IFT88: variants seen among roughly 807,000 people sequenced by gnomAD.
The protein encoded by IFT88 is intraflagellar transport protein 88 homolog.
Under a neutral mutation model 119.5 loss-of-function variants are expected in IFT88, and 74 were observed. The observed-to-expected ratio is 0.62, with a 90% CI of 0.51 to 0.75. The LOEUF is 0.75. Ranked by LOEUF, IFT88 falls within the 30% of genes least tolerant of loss-of-function variation. IFT88 has a pLI of 0.00. For missense variants in IFT88, 961 were observed against 977.7 expected (o/e 0.98, Z 0.23); for synonymous variants, 279 against 316.7 (o/e 0.88, Z 1.26).
chr13:20,649,469 T>C (rs1243656643), intron 20 of IFT88, among the ~76,000 whole-genome samples: 1 of 152,040 alleles, frequency 6.6e-6, no homozygotes, highest in Non-Finnish European at 1.5e-5. Context: ...TGAAACACAA[T>C]GTACTAAAAC....
chr13:20,580,219 A>AT (rs1208897980), intron 2 of IFT88, among the ~76,000 whole-genome samples: 1 of 152,160 alleles, frequency 6.6e-6, no homozygotes, highest in East Asian at 1.9e-4. Flanking sequence ...TATATAGGTG[A>AT]TTAGAAGTAT....
chr13:20,567,685 T>C (rs1254581109), intron 1 of IFT88: 13 of 1,146,534 alleles, frequency 1.1e-5, no homozygotes, highest in Non-Finnish European at 3.2e-6. Flanking sequence ...GCACTTCAAA[T>C]TGCCTGATGA....
intron 22 of IFT88, among the ~76,000 whole-genome samples, chr13:20,658,157 C>T (rs1221378523): frequency 1.3e-5 from 2 of 151,262 alleles, no homozygotes; most frequent in South Asian, 2.1e-4. Flanking sequence ...AGTGCGGTGG[C>T]GCCATCTTGG....
chr13:20,638,980 G>A (rs903841473), intron 17 of IFT88, among the ~76,000 whole-genome samples: 1 of 152,096 alleles, frequency 6.6e-6, no homozygotes, highest in Non-Finnish European at 1.5e-5. Flanking sequence ...CTTTACTTCA[G>A]ATTTTGTTTT....
chr13:20,635,779 G>T (rs181728248), intron 16 of IFT88, among the ~76,000 whole-genome samples: 73 of 152,070 alleles, frequency 4.8e-4, no homozygotes, highest in African/African-American at 1.6e-3. Flanking sequence ...ATGCATACAG[G>T]GCTTAAAACC....
At chr13:20,597,723 G>A (rs1339837364) in intron 9 of IFT88, among the ~76,000 whole-genome samples, 1 of 150,456 alleles carries the variant, frequency 6.6e-6, no homozygotes, top group Non-Finnish European at 1.5e-5. Flanking sequence ...CAGAGCCTGG[G>A]CGACAGAGCG....
chr13:20,651,524 A>G (rs2051695993), intron 20 of IFT88, among the ~76,000 whole-genome samples: 1 of 150,956 alleles, frequency 6.6e-6, no homozygotes, highest in East Asian at 2.0e-4. Flanking sequence ...AAAAGGTAGA[A>G]ACAACCTAGG....
At chr13:20,673,503 AG>A (rs2056215671) in intron 24 of IFT88, among the ~76,000 whole-genome samples, 1 of 152,212 alleles carries the variant, frequency 6.6e-6, no homozygotes, top group Non-Finnish European at 1.5e-5. Flanking sequence ...CCGCAGGTTC[AG>A]ATCCTTTGAC....
chr13:20,635,123 A>G (rs1040089303), intron 16 of IFT88, among the ~76,000 whole-genome samples: 1 of 152,162 alleles, frequency 6.6e-6, no homozygotes, highest in Non-Finnish European at 1.5e-5. Context: ...TACAAAGGAC[A>G]TGAATTCATC....
intron 2 of IFT88, 89 bp downstream of exon 2, chr13:20,574,564 C>T (rs1238205250): frequency 3.2e-6 from 2 of 619,200 alleles, no homozygotes; most frequent in African/African-American, 1.9e-5. Flanking sequence ...CTTTATTATG[C>T]TTTAGATTAA....
intron 24 of IFT88, among the ~76,000 whole-genome samples, chr13:20,675,927 A>G (rs2056609374): frequency 6.6e-6 from 1 of 152,258 alleles, no homozygotes; most frequent in South Asian, 2.1e-4. Flanking sequence ...CAAAGTCTCC[A>G]TGAATACTTT....
intron 24 of IFT88, among the ~76,000 whole-genome samples, chr13:20,671,423 C>A (rs1321411689): frequency 1.3e-5 from 2 of 152,070 alleles, no homozygotes; most frequent in Non-Finnish European, 2.9e-5. Context: ...TGCTGACAGC[C>A]CTAAATCTTT....
Position 20,597,047 on chromosome 13 carries a change from A to C in IFT88, c.522A>C (p.Lys174Asn). 1 of 1,607,112 alleles carries C rather than the reference A, an allele frequency of 6.2e-7. No homozygotes were observed. Among genetic ancestry groups the C allele is most frequent in the Non-Finnish European group, 8.5e-7 (1 of 1,176,794 alleles). Residue 174 changes from lysine to asparagine, a missense_variant, in exon 9 of 26, where the codon AAA (lysine) becomes AAC (asparagine). Coordinates refer to ENST00000351808, the MANE Select transcript of IFT88 (RefSeq NM_006531.5). ...ALEKAKDAGR[K>N]ERVLVRQREQ... ...AAAAGGCAAAAGATGCAGGAAGAAAAGAGAGAGTCCTGGTGAGACAGCGAG... is the reference window on the plus strand; with the variant it reads ...AAAAGGCAAAAGATGCAGGAAGAAACGAGAGAGTCCTGGTGAGACAGCGAG...
chr13:20,598,558 C>T, intron 9 of IFT88, 93 bp from the exon 10 acceptor site: 1 of 651,852 alleles, frequency 1.5e-6, no homozygotes, highest in African/African-American at 1.8e-5. Context: ...AAGTAGCTAA[C>T]TTTGTTATAG....
At chr13:20,684,926 C>T (rs951876331) in intron 24 of IFT88, among the ~76,000 whole-genome samples, 1 of 152,204 alleles carries the variant, frequency 6.6e-6, no homozygotes, top group African/African-American at 2.4e-5. Flanking sequence ...CCAGCTCGGT[C>T]GTGGAGACCC....
intron 13 of IFT88, among the ~76,000 whole-genome samples, chr13:20,609,600 TG>T: frequency 6.6e-6 from 1 of 152,074 alleles, no homozygotes; most frequent in East Asian, 1.9e-4. Flanking sequence ...AAAAATTAGC[TG>T]GGCATGGTGG....
intron 3 of IFT88, among the ~76,000 whole-genome samples, chr13:20,584,287 T>C (rs911241849): frequency 3.3e-5 from 5 of 152,268 alleles, no homozygotes; most frequent in African/African-American, 9.6e-5. Flanking sequence ...TGCCTTTCCA[T>C]TTGTTTATGT....
rs35647463 is a variant in IFT88 at position 20,674,728 on chromosome 13, T to A, written c.2242+3689T>A. 8.3e-3 allele frequency among the ~76,000 whole-genome samples: 880 copies of A among 106,398 alleles called. 1 individual carries two copies. Among genetic ancestry groups the A allele is most frequent in the Non-Finnish European group, 0.011 (552 of 48,588 alleles). 69.8% of individuals were successfully genotyped at this position (106,398 alleles called of 152,430 possible). A position where few individuals can be genotyped will look rare whatever the true frequency, so the allele number is the denominator to read the frequency against. On this transcript the variant is annotated intron_variant, in intron 24 of 25. Coordinates refer to ENST00000351808, the MANE Select transcript of IFT88 (RefSeq NM_006531.5). Reference sequence around the variant, plus strand: ...TATATATATATATATATATATATTTTTTTTTTTTTTTTTTTTTGAGACAGA... The same window carrying A: ...TATATATATATATATATATATATTTATTTTTTTTTTTTTTTTTGAGACAGA...
At chr13:20,585,435 G>A (rs1258584523) in intron 3 of IFT88, among the ~76,000 whole-genome samples, 1 of 152,246 alleles carries the variant, frequency 6.6e-6, no homozygotes, top group Non-Finnish European at 1.5e-5. Flanking sequence ...TCCCTGTGGA[G>A]CAAGACATGG....
Sources: allele counts gnomAD v4.1 joint callset (sites outside exome capture counted in the v4.1 genomes callset), GRCh38; gene constraint gnomAD v4.1.1; transcripts MANE v1.5; gene names NCBI Gene and HGNC (gene_info 2026-07-23, HGNC 2026-07-21).